The following GRM3 variants were observed in gnomAD, a reference collection of about 807,000 sequenced individuals.
GRM3 encodes the protein glutamate metabotropic receptor 3.
Under a neutral mutation model 70.5 loss-of-function variants are expected in GRM3, and 26 were observed. The ratio of observed to expected loss-of-function variants is 0.37; its 90% CI spans 0.27 to 0.51. The LOEUF is 0.51. Ranked by LOEUF, GRM3 falls within the 20% of genes least tolerant of loss-of-function variation. GRM3 has a pLI of 0.93. For synonymous variants in GRM3, 443 were observed against 434.9 expected (o/e 1.02, Z -0.23); for missense variants, 859 against 1,123.8 (o/e 0.76, Z 3.37).
Position 86,644,704 on chromosome 7 carries a change from C to T in GRM3, c.-309C>T. On this transcript the variant is annotated 5_prime_UTR_variant, in exon 1 of 6. Coordinates refer to ENST00000361669, the MANE Select transcript of GRM3 (RefSeq NM_000840.3). ...AGCTGCGCGCACAAGTTGGCCATTT[C>T]GAGGGCAAAATAAGTTCTCCCTTGG... 1 of 998,474 alleles carries T rather than the reference C, an allele frequency of 1.0e-6. No homozygotes were observed. The highest frequency in any genetic ancestry group is 1.3e-5 in the South Asian group (1 of 75,348). The allele number at this position is 998,474 out of a possible 1,614,324, so 61.9% of individuals were successfully genotyped here. A position where few individuals can be genotyped will look rare whatever the true frequency, so the allele number is the denominator to read the frequency against.
At chr7:86,829,949 TA>T (rs555265192) in intron 3 of GRM3, among the ~76,000 whole-genome samples, 61 of 152,260 alleles carry the variant, frequency 4.0e-4, no homozygotes, top group African/African-American at 1.4e-3. Context: ...TGAAGCACAA[TA>T]AAGCAAAGTA....
chr7:86,764,937 T>C (rs1413707099), intron 1 of GRM3, 69 bp from the exon 2 acceptor site: 2 of 1,121,908 alleles, frequency 1.8e-6, no homozygotes, highest in South Asian at 2.0e-5. Context: ...AAGGTCTGAT[T>C]GGGCATGATC....
intron 1 of GRM3, among the ~76,000 whole-genome samples, chr7:86,648,678 T>C (rs1219119669): frequency 6.6e-6 from 1 of 151,970 alleles, no homozygotes; most frequent in African/African-American, 2.4e-5. Flanking sequence ...TGTATTTCGA[T>C]ATATATGGAG....
At position 86,786,582 on chromosome 7, in the gene GRM3, T is replaced by C; in HGVS notation, c.790T>C (p.Leu264=). The C allele has an allele frequency of 1.2e-6, 2 of 1,613,894 alleles. No individual in the cohort carries two copies. Among genetic ancestry groups the C allele is most frequent in the Non-Finnish European group, 1.7e-6 (2 of 1,180,038 alleles). Residue 264 remains leucine, a synonymous_variant, in exon 3 of 6, where the codon TTG becomes CTG. Transcript: ENST00000361669. This position sits in a 1 kb window ranked among gnomAD's most constrained non-coding sequence, Gnocchi z 6.0. ...KSYDSVIREL[L]QKPNARVVVL... Reference sequence around the variant, plus strand: ...CTACGACAGCGTGATCCGAGAACTGTTGCAGAAGCCCAACGCGCGCGTCGT... The same window carrying C: ...CTACGACAGCGTGATCCGAGAACTGCTGCAGAAGCCCAACGCGCGCGTCGT...
chr7:86,812,647 T>C (rs1358476441), intron 3 of GRM3, among the ~76,000 whole-genome samples: 1 of 151,804 alleles, frequency 6.6e-6, no homozygotes, highest in South Asian at 2.1e-4. Flanking sequence ...AGAATATAAC[T>C]GCTGAGAAAT....
chr7:86,810,327 C>T (rs1797884073), intron 3 of GRM3, among the ~76,000 whole-genome samples: 1 of 152,008 alleles, frequency 6.6e-6, no homozygotes, highest in African/African-American at 2.4e-5. Flanking sequence ...ATAGCAAGCA[C>T]AAACTTTTTA....
chr7:86,853,299 A>G (rs1488723504), intron 5 of GRM3, among the ~76,000 whole-genome samples: 21 of 152,338 alleles, frequency 1.4e-4, no homozygotes, highest in Admixed American at 1.4e-3. Context: ...ATTTATTTCT[A>G]TAGATCACAA....
At chr7:86,659,036 G>A (rs1182919169) in intron 1 of GRM3, among the ~76,000 whole-genome samples, 1 of 152,078 alleles carries the variant, frequency 6.6e-6, no homozygotes, top group Non-Finnish European at 1.5e-5. Flanking sequence ...CCATAAAAAC[G>A]GAGTTGAGTA....
chr7:86,688,195 T>TA (rs1794611057), intron 1 of GRM3, among the ~76,000 whole-genome samples: 1 of 151,570 alleles, frequency 6.6e-6, no homozygotes, highest in South Asian at 2.1e-4. Context: ...AAATTGTACC[T>TA]AAAAACACAG....
chr7:86,740,165 A>G (rs1795953594), intron 1 of GRM3, among the ~76,000 whole-genome samples: 1 of 152,226 alleles, frequency 6.6e-6, no homozygotes, highest in Admixed American at 6.5e-5. Flanking sequence ...AATGTAAATG[A>G]GAACATTTAC....
intron 1 of GRM3, among the ~76,000 whole-genome samples, chr7:86,668,432 T>C (rs989998962): frequency 6.6e-6 from 1 of 152,140 alleles, no homozygotes; most frequent in African/African-American, 2.4e-5. Flanking sequence ...TTTAAATTAA[T>C]TCTAACCACC....
chr7:86,815,737 G>A (rs1214432314), intron 3 of GRM3, among the ~76,000 whole-genome samples: 1 of 151,848 alleles, frequency 6.6e-6, no homozygotes, highest in East Asian at 1.9e-4. Context: ...GCCAGAACAT[G>A]CACAGACTAG....
At chr7:86,645,648 C>G (rs1367466704) in intron 1 of GRM3, among the ~76,000 whole-genome samples, 1 of 152,054 alleles carries the variant, frequency 6.6e-6, no homozygotes, top group Admixed American at 6.6e-5. Context: ...GTGGACAATT[C>G]TCTAAGGTAC....
intron 1 of GRM3, among the ~76,000 whole-genome samples, chr7:86,746,650 A>G (rs1796112556): frequency 6.6e-6 from 1 of 151,984 alleles, no homozygotes; most frequent in Non-Finnish European, 1.5e-5. Context: ...TTAAAATTGC[A>G]TAAATTCCTA....
intron 1 of GRM3, among the ~76,000 whole-genome samples, chr7:86,689,964 C>G (rs1009677339): frequency 2.6e-5 from 4 of 152,096 alleles, no homozygotes; most frequent in African/African-American, 7.2e-5. Flanking sequence ...CAATCACTCA[C>G]TAAGGGTCTT....
At chr7:86,856,108 C>T (rs1057204077) in intron 5 of GRM3, among the ~76,000 whole-genome samples, 1 of 152,130 alleles carries the variant, frequency 6.6e-6, no homozygotes, top group African/African-American at 2.4e-5. Flanking sequence ...CCCAAAGCAT[C>T]TAAACCAGAT....
chr7:86,839,034 C>T lies in GRM3; in HGVS notation c.1520C>T (p.Ser507Phe). ...IHWSRNSVPTSQCSDPCAPNE... is the reference protein window; with the variant it reads ...IHWSRNSVPTFQCSDPCAPNE... ...TGGTCCCGGAACTCAGTCCCCACTT[C>T]CCAGTGCAGCGACCCCTGTGCCCCC... Residue 507 changes from serine to phenylalanine, a missense_variant, in exon 4 of 6, where the codon TCC becomes TTC. Transcript: ENST00000361669. The surrounding 1 kb of genome is among the most constrained non-coding windows in gnomAD (Gnocchi z 4.5). 2.5e-6 allele frequency: 4 copies of T among 1,614,100 alleles called. No homozygotes were observed. The highest frequency in any genetic ancestry group is 3.4e-6 in the Non-Finnish European group (4 of 1,179,966).
intron 1 of GRM3, among the ~76,000 whole-genome samples, chr7:86,734,128 A>T (rs1795801931): frequency 2.6e-5 from 4 of 152,206 alleles, no homozygotes; most frequent in African/African-American, 9.6e-5. Flanking sequence ...GGGGACTCCA[A>T]AGAATACCTG....
chr7:86,833,303 G>A (rs936415586), intron 3 of GRM3: 5 of 151,286 alleles, frequency 3.3e-5, no homozygotes, highest in African/African-American at 9.7e-5. Flanking sequence ...GCTAGATGAC[G>A]TGTTAGTGGG....
Sources: gnomAD v4.1 joint callset for allele counts (sites outside exome capture counted in the v4.1 genomes callset) on GRCh38, gnomAD v4.1.1 for gene constraint, Gnocchi (gnomAD v3.1) non-coding constraint, MANE v1.5 for transcripts, NCBI Gene and HGNC (gene_info 2026-07-23, HGNC 2026-07-21) for gene names.